The following SPAG16 variants were observed in gnomAD, a reference collection of about 807,000 sequenced individuals.
The protein encoded by SPAG16 is sperm associated antigen 16.
SPAG16 carries 86 observed loss-of-function variants against 80.4 expected under a neutral mutation model. That is an observed-to-expected ratio of 1.07 (90% CI 0.90 to 1.28). The LOEUF (loss-of-function observed/expected upper bound fraction) is 1.28, where lower values mean the gene tolerates loss of function less well. Ranked by LOEUF, SPAG16 falls within the 50% of genes most tolerant of loss-of-function variation. The pLI is 0.00. For missense variants in SPAG16, 870 were observed against 765.3 expected (o/e 1.14, Z -1.61); for synonymous variants, 294 against 265.9 (o/e 1.11, Z -1.03).
At chr2:214,006,999 A>G (rs778513717) in intron 12 of SPAG16, among the ~76,000 whole-genome samples, 4 of 152,234 alleles carry the variant, frequency 2.6e-5, no homozygotes, top group Non-Finnish European at 5.9e-5. Flanking sequence ...TAATTGGGTA[A>G]TAATGACAAC....
At chr2:213,961,548 C>T (rs1351224687) in intron 12 of SPAG16, among the ~76,000 whole-genome samples, 3 of 148,576 alleles carry the variant, frequency 2.0e-5, no homozygotes, top group Non-Finnish European at 4.4e-5. Context: ...TAGCTGCCTG[C>T]CTTTTATCAG....
chr2:213,703,685 C>G (rs1036649932), intron 10 of SPAG16, among the ~76,000 whole-genome samples: 4 of 152,184 alleles, frequency 2.6e-5, no homozygotes, highest in Non-Finnish European at 5.9e-5. Context: ...AAGTCCATCT[C>G]AGCTTGAGCG....
chr2:213,667,301 T>C, intron 10 of SPAG16, among the ~76,000 whole-genome samples: 1 of 152,186 alleles, frequency 6.6e-6, no homozygotes, highest in East Asian at 1.9e-4. Flanking sequence ...GGGGAAATTT[T>C]TGAAGCAGTT....
intron 15 of SPAG16, among the ~76,000 whole-genome samples, chr2:214,343,764 C>A (rs925819179): frequency 6.6e-6 from 1 of 151,984 alleles, no homozygotes; most frequent in African/African-American, 2.4e-5. Context: ...TTCAAATAAA[C>A]CATAACTGAA....
chr2:214,221,723 C>G (rs1160657677), intron 15 of SPAG16, among the ~76,000 whole-genome samples: 3 of 152,042 alleles, frequency 2.0e-5, no homozygotes, highest in African/African-American at 7.2e-5. Context: ...CTTTAAAACT[C>G]TATGCATCAG....
intron 10 of SPAG16, among the ~76,000 whole-genome samples, chr2:213,685,193 C>A: frequency 6.6e-6 from 1 of 152,204 alleles, no homozygotes; most frequent in East Asian, 1.9e-4. Context: ...GAAGTCTTAA[C>A]CCCAAGTACC....
intron 13 of SPAG16, among the ~76,000 whole-genome samples, chr2:214,091,601 A>G (rs2052215732): frequency 6.6e-6 from 1 of 152,152 alleles, no homozygotes; most frequent in Non-Finnish European, 1.5e-5. Flanking sequence ...AATTATTGCT[A>G]TAATGTTTAT....
chr2:213,553,892 G>C (rs1034085535), intron 10 of SPAG16, among the ~76,000 whole-genome samples: 1 of 152,158 alleles, frequency 6.6e-6, no homozygotes, highest in African/African-American at 2.4e-5. Context: ...AGACTCCTCT[G>C]CTGCTTTACA....
chr2:213,676,328 A>G (rs1368965318), intron 10 of SPAG16, among the ~76,000 whole-genome samples: 2 of 152,060 alleles, frequency 1.3e-5, no homozygotes, highest in African/African-American at 4.8e-5. Context: ...TTGTCTGCAA[A>G]CAGGGACAAT....
At chr2:213,664,051 C>G (rs780669221) in intron 10 of SPAG16, among the ~76,000 whole-genome samples, 29 of 152,164 alleles carry the variant, frequency 1.9e-4, no homozygotes, top group South Asian at 1.2e-3. Flanking sequence ...TCTGGAGACT[C>G]TACAGGAGAA....
At chr2:213,299,257 G>A (rs573354557) in intron 3 of SPAG16, among the ~76,000 whole-genome samples, 16 of 151,332 alleles carry the variant, frequency 1.1e-4, no homozygotes, top group African/African-American at 3.9e-4. Flanking sequence ...GACTTATTGC[G>A]ACTTATTGAA....
chr2:214,110,921 T>A (rs537240777), intron 14 of SPAG16, among the ~76,000 whole-genome samples: 15 of 152,240 alleles, frequency 9.9e-5, no homozygotes. Flanking sequence ...GTTGGCTGCA[T>A]AAGTATCTTC....
At chr2:213,673,631 A>T (rs940076365) in intron 10 of SPAG16, among the ~76,000 whole-genome samples, 1 of 152,240 alleles carries the variant, frequency 6.6e-6, no homozygotes, top group Non-Finnish European at 1.5e-5. Context: ...TCATACAAAT[A>T]TGTACACACA....
intron 10 of SPAG16, among the ~76,000 whole-genome samples, chr2:213,631,396 A>T (rs1236603731): frequency 6.6e-6 from 1 of 152,172 alleles, no homozygotes; most frequent in Non-Finnish European, 1.5e-5. Flanking sequence ...GAGTACTTTA[A>T]ATGTATTAAT....
At chr2:213,310,841 T>G (rs1008147610) in intron 4 of SPAG16, among the ~76,000 whole-genome samples, 3 of 151,816 alleles carry the variant, frequency 2.0e-5, no homozygotes, top group Admixed American at 1.3e-4. Flanking sequence ...AATAAATTTA[T>G]TAAATGATTA....
chr2:213,404,778 G>C (rs10198863), intron 9 of SPAG16, among the ~76,000 whole-genome samples: 44,799 of 151,990 alleles, frequency 0.29, 7,077 homozygotes, highest in African/African-American at 0.35. Context: ...TTTTACAAAT[G>C]CTTTGTATTT....
chr2:214,111,766 A>T (rs1397684941), intron 14 of SPAG16, among the ~76,000 whole-genome samples: 1 of 151,952 alleles, frequency 6.6e-6, no homozygotes, highest in Non-Finnish European at 1.5e-5. Flanking sequence ...ACCATGGAAT[A>T]TTCTTCCATT....
At chr2:214,294,030 T>G (rs967638208) in intron 15 of SPAG16, among the ~76,000 whole-genome samples, 2 of 152,242 alleles carry the variant, frequency 1.3e-5, no homozygotes, top group African/African-American at 2.4e-5. Context: ...GGACTGACTG[T>G]AGCAGTAGCA....
chr2:213,976,135 T>TATATATATATATATATATACACACACAC (rs749957411), intron 12 of SPAG16, among the ~76,000 whole-genome samples: 6 of 81,402 alleles, frequency 7.4e-5, no homozygotes, highest in African/African-American at 2.3e-4. Flanking sequence ...TATATATATA[T>TATATATATATATATATATACACACACAC]ACACACACAC....
Sources: gnomAD v4.1 joint callset for allele counts (sites outside exome capture counted in the v4.1 genomes callset) on GRCh38, gnomAD v4.1.1 for gene constraint, MANE v1.5 for transcripts, NCBI Gene and HGNC (gene_info 2026-07-23, HGNC 2026-07-21) for gene names.